The following SORBS2 variants were observed in gnomAD, a reference collection of about 807,000 sequenced individuals.
SORBS2 encodes sorbin and SH3 domain containing 2.
In SORBS2, 46 loss-of-function variants were observed where a neutral mutation model predicts 97.7. The observed-to-expected ratio is 0.47, with a 90% CI of 0.37 to 0.60. The LOEUF (loss-of-function observed/expected upper bound fraction) is 0.60, where lower values mean the gene tolerates loss of function less well. SORBS2 is among the 20% of genes least tolerant of loss of function. The probability of loss-of-function intolerance (pLI) is 0.00; values close to 1 mark genes in which losing one functional copy is unlikely to be tolerated. For missense variants in SORBS2, 1,316 were observed against 1,282.3 expected (o/e 1.03, Z -0.40); for synonymous variants, 476 against 473.4 (o/e 1.01, Z -0.07).
At chr4:185,614,906 C>G (rs372076349) in exon 11 of SORBS2, 14 of 1,614,070 alleles carry the variant, frequency 8.7e-6, no homozygotes, top group Non-Finnish European at 1.1e-5. Flanking sequence ...TTTCTCCGGG[C>G]TGGGCTGGCG....
chr4:185,780,642 C>T (rs376239038), intron 1 of SORBS2, among the ~76,000 whole-genome samples: 5 of 152,156 alleles, frequency 3.3e-5, no homozygotes, highest in Admixed American at 2.0e-4. Flanking sequence ...GGATTACATT[C>T]GGCAGTCTGC....
intron 4 of SORBS2, chr4:185,646,119 A>G (rs1214342320): frequency 6.6e-6 from 1 of 152,220 alleles, no homozygotes; most frequent in East Asian, 1.9e-4. Context: ...TGTTATGAAA[A>G]GGGCATTTGG....
At chr4:185,602,643 A>G (rs115333164) in intron 12 of SORBS2, among the ~76,000 whole-genome samples, 2,018 of 152,298 alleles carry the variant, frequency 0.013, 17 homozygotes, top group Non-Finnish European at 0.022. Context: ...CATTACTAAG[A>G]GTTTATTTTC....
At chr4:185,742,724 A>G (rs1212525305) in intron 2 of SORBS2, among the ~76,000 whole-genome samples, 1 of 152,242 alleles carries the variant, frequency 6.6e-6, no homozygotes, top group Non-Finnish European at 1.5e-5. Flanking sequence ...TATATTTGCT[A>G]TAGTGAAAAG....
chr4:185,767,518 A>G (rs1388262211), intron 2 of SORBS2, among the ~76,000 whole-genome samples: 1 of 79,134 alleles, frequency 1.3e-5, no homozygotes, highest in Non-Finnish European at 2.6e-5. Context: ...AAAAAAAAAA[A>G]AGAGAAAGAA....
At chr4:185,928,852 GTTC>G (rs1482870892) in intron 1 of SORBS2, among the ~76,000 whole-genome samples, 1 of 152,120 alleles carries the variant, frequency 6.6e-6, no homozygotes, top group Non-Finnish European at 1.5e-5. Flanking sequence ...GGCCAAGAAG[GTTC>G]TTCTTTCCAG....
chr4:185,665,869 G>T (rs1241719398), intron 4 of SORBS2: 2 of 1,181,130 alleles, frequency 1.7e-6, no homozygotes, highest in African/African-American at 3.2e-5. Context: ...GGCTGTGGAG[G>T]ACTCACTCTC....
chr4:185,687,028 C>A (rs1017817917), intron 2 of SORBS2, among the ~76,000 whole-genome samples: 1 of 152,080 alleles, frequency 6.6e-6, no homozygotes, highest in Non-Finnish European at 1.5e-5. Flanking sequence ...AAAGCAAGTA[C>A]CATCTGAAGA....
chr4:185,896,318 T>A, intron 1 of SORBS2, among the ~76,000 whole-genome samples: 1 of 152,240 alleles, frequency 6.6e-6, no homozygotes, highest in East Asian at 1.9e-4. Context: ...GCGAGATGGC[T>A]GACGCCTGTA....
chr4:185,741,650 C>T (rs922566899), intron 2 of SORBS2, among the ~76,000 whole-genome samples: 1 of 152,088 alleles, frequency 6.6e-6, no homozygotes, highest in Non-Finnish European at 1.5e-5. Context: ...AGGCGTGAGC[C>T]ACCGCACCCG....
intron 1 of SORBS2, among the ~76,000 whole-genome samples, chr4:185,838,416 G>A (rs1161023743): frequency 1.3e-5 from 2 of 152,206 alleles, no homozygotes; most frequent in East Asian, 1.9e-4. Flanking sequence ...CTCAACTCAC[G>A]GATGCGCTGG....
At chr4:185,643,123 A>T (rs552153664) in intron 4 of SORBS2, among the ~76,000 whole-genome samples, 1 of 152,364 alleles carries the variant, frequency 6.6e-6, no homozygotes, top group Admixed American at 6.5e-5. Flanking sequence ...CTCATGAGGA[A>T]CACAGTGTGC....
intron 4 of SORBS2, 106 bp downstream of exon 13, chr4:185,646,562 G>C: frequency 7.6e-6 from 5 of 657,896 alleles, no homozygotes; most frequent in Non-Finnish European, 1.1e-5. Context: ...ATTTCTAAGT[G>C]ATTACCTTTG....
intron 14 of SORBS2, 104 bp from the exon 27 acceptor site, chr4:185,587,792 C>T (rs1370181926): frequency 2.3e-6 from 2 of 886,604 alleles, no homozygotes; most frequent in East Asian, 2.5e-5. Flanking sequence ...ACAGCAAGCC[C>T]CGAGGGGTTT....
chr4:185,760,435 C>A (rs2098872068), intron 2 of SORBS2, among the ~76,000 whole-genome samples: 1 of 152,158 alleles, frequency 6.6e-6, no homozygotes. Flanking sequence ...TGGTGGTGGG[C>A]ACCTGTAATA....
intron 1 of SORBS2, among the ~76,000 whole-genome samples, chr4:185,873,502 T>C (rs1489926883): frequency 1.3e-5 from 2 of 152,188 alleles, no homozygotes; most frequent in Non-Finnish European, 2.9e-5. Flanking sequence ...ACTTTGAAAA[T>C]TGATAAGCAT....
chr4:185,872,448 T>A (rs1342813335), intron 1 of SORBS2, among the ~76,000 whole-genome samples: 1 of 152,194 alleles, frequency 6.6e-6, no homozygotes, highest in African/African-American at 2.4e-5. Context: ...TTTCACAAGA[T>A]GCACGTGCCA....
chr4:185,608,464 A>T (rs1226059701), intron 12 of SORBS2, among the ~76,000 whole-genome samples: 2 of 151,882 alleles, frequency 1.3e-5, no homozygotes, highest in Non-Finnish European at 2.9e-5. Flanking sequence ...CATTTATGTA[A>T]ATCAGAGGAG....
rs2099266423 is a variant in SORBS2, at chr4:185,931,520, G to A, written c.-338+24676C>T. 2.0e-5 allele frequency among the ~76,000 whole-genome samples: 3 copies of A among 152,076 alleles called. No homozygotes were observed. The South Asian group carries it at 6.2e-4, about 32-fold the overall frequency. On this transcript the variant is annotated intron_variant, in intron 1 of 20. Coordinates refer to the SORBS2 transcript ENST00000284776. ...GTGAGCAGATGGAAAATTACTAAGT[G>A]GGAACATCAAGGCCGGGGGTTATTA... is the stretch of plus-strand genomic sequence containing the variant.
Sources: gnomAD v4.1 joint callset for allele counts (sites outside exome capture counted in the v4.1 genomes callset) on GRCh38, gnomAD v4.1.1 for gene constraint, MANE v1.5 for transcripts, NCBI Gene and HGNC (gene_info 2026-07-23, HGNC 2026-07-21) for gene names.